AUTS2: variants seen among roughly 807,000 people sequenced by gnomAD.
The protein encoded by AUTS2 is activator of transcription and developmental regulator AUTS2, also known as autism susceptibility gene 2 protein.
AUTS2 carries 17 observed loss-of-function variants against 112.4 expected under a neutral mutation model. The ratio of observed to expected loss-of-function variants is 0.15; its 90% confidence interval spans 0.10 to 0.23. The LOEUF (loss-of-function observed/expected upper bound fraction) is 0.23. AUTS2 is among the 10% of genes least tolerant of loss of function. AUTS2 has a pLI of 1.00. For missense variants in AUTS2, 1,510 were observed against 1,701.6 expected (o/e 0.89, Z 1.98); for synonymous variants, 751 against 702.7 (o/e 1.07, Z -1.09).
chr7:70,348,971 TAAG>T (rs1167450940), intron 4 of AUTS2, among the ~76,000 whole-genome samples: 1 of 152,200 alleles, frequency 6.6e-6, no homozygotes, highest in African/African-American at 2.4e-5. Context: ...ATATTAGTCT[TAAG>T]AACTTTTTTA....
In AUTS2 at chr7:69,648,087, G is replaced by A. The variant is rs142317863; in HGVS notation, c.309+48125G>A. 3.1e-3 allele frequency among the ~76,000 whole-genome samples: 473 copies of A among 152,136 alleles called. 2 individuals are homozygous for A. Among genetic ancestry groups the A allele is most frequent in the Non-Finnish European group, 5.6e-3 (378 of 68,018 alleles). ...ACATACTGAGGGTTAGGGCTTTAAC[G>A]TATATTTCTGAGGGGACACAATTAA... On this transcript the variant is annotated intron_variant, in intron 1 of 18. Coordinates refer to ENST00000342771, the MANE Select transcript of AUTS2 (RefSeq NM_015570.4).
At chr7:70,613,579 C>T (rs1804206102) in intron 5 of AUTS2, among the ~76,000 whole-genome samples, 1 of 152,088 alleles carries the variant, frequency 6.6e-6, no homozygotes, top group Non-Finnish European at 1.5e-5. Flanking sequence ...TGGATGGCCT[C>T]AGTAAGTCCC....
intron 2 of AUTS2, among the ~76,000 whole-genome samples, chr7:69,992,555 G>A (rs970698761): frequency 3.9e-5 from 6 of 152,160 alleles, no homozygotes; most frequent in Non-Finnish European, 7.4e-5. Flanking sequence ...AGAAGGTTTT[G>A]AATGTTTGAA....
At chr7:69,867,319 GC>G (rs1461054370) in intron 1 of AUTS2, among the ~76,000 whole-genome samples, 1 of 152,118 alleles carries the variant, frequency 6.6e-6, no homozygotes, top group Non-Finnish European at 1.5e-5. Flanking sequence ...TTTTTAAATT[GC>G]CTTTTTTGCT....
chr7:70,233,375 A>G (rs1812158541), intron 4 of AUTS2, among the ~76,000 whole-genome samples: 2 of 152,216 alleles, frequency 1.3e-5, no homozygotes, highest in South Asian at 2.1e-4. Context: ...TTGCAATGGT[A>G]TAGGAACTGT....
At chr7:69,816,677 T>C (rs540151062) in intron 1 of AUTS2, among the ~76,000 whole-genome samples, 29 of 152,234 alleles carry the variant, frequency 1.9e-4, no homozygotes, top group Non-Finnish European at 3.8e-4. Flanking sequence ...TCATGTTTGC[T>C]CTTTACATCA....
chr7:70,466,498 A>C (rs569215596), intron 5 of AUTS2, among the ~76,000 whole-genome samples: 2 of 152,346 alleles, frequency 1.3e-5, no homozygotes, highest in East Asian at 3.9e-4. Context: ...GGGATGCGGC[A>C]ACAAACAAAA....
intron 4 of AUTS2, among the ~76,000 whole-genome samples, chr7:70,378,970 T>C (rs1020517596): frequency 6.6e-6 from 1 of 152,182 alleles, no homozygotes; most frequent in African/African-American, 2.4e-5. Flanking sequence ...TGTTAGAACA[T>C]TGTTTCATAT....
At chr7:70,777,230 CG>C in intron 14 of AUTS2, 56 bp downstream of exon 14, 1 of 1,502,150 alleles carries the variant, frequency 6.7e-7, no homozygotes, top group Non-Finnish European at 9.3e-7. Context: ...GAGTGTGTGA[CG>C]TGCTCGGGAG....
At chr7:70,385,301 A>G (rs1793560076) in intron 4 of AUTS2, among the ~76,000 whole-genome samples, 2 of 152,378 alleles carry the variant, frequency 1.3e-5, no homozygotes, top group South Asian at 4.1e-4. Flanking sequence ...ATTCATAAAA[A>G]GAAAAGCCAC....
At chr7:70,222,726 C>T (rs1178062460) in intron 4 of AUTS2, among the ~76,000 whole-genome samples, 1 of 151,504 alleles carries the variant, frequency 6.6e-6, no homozygotes, top group Non-Finnish European at 1.5e-5. Flanking sequence ...TTAGAAGCCC[C>T]CAAAGTGTGA....
intron 4 of AUTS2, among the ~76,000 whole-genome samples, chr7:70,167,052 CCTGT>C (rs1318032611): frequency 2.6e-5 from 4 of 152,046 alleles, no homozygotes; most frequent in Non-Finnish European, 5.9e-5. Context: ...ATGGTGAAAC[CCTGT>C]CTCTGCTGAA....
intron 4 of AUTS2, among the ~76,000 whole-genome samples, chr7:70,404,725 G>A (rs1794462406): frequency 6.6e-6 from 1 of 152,274 alleles, no homozygotes; most frequent in South Asian, 2.1e-4. Context: ...CTTGATAGTT[G>A]TATGTGCCTG....
At chr7:69,883,493 G>A (rs2129538158) in intron 1 of AUTS2, among the ~76,000 whole-genome samples, 1 of 152,240 alleles carries the variant, frequency 6.6e-6, no homozygotes, top group Middle Eastern at 3.4e-3. Context: ...TTCCAACCCA[G>A]CTCTTCTCTC....
chr7:70,699,867 G>T (rs533484596), intron 6 of AUTS2, among the ~76,000 whole-genome samples: 7 of 152,308 alleles, frequency 4.6e-5, no homozygotes, highest in African/African-American at 1.4e-4. Flanking sequence ...GCGTTTCCTT[G>T]TGAGAAAGGA....
intron 5 of AUTS2, among the ~76,000 whole-genome samples, chr7:70,476,755 A>G (rs1797599086): frequency 6.6e-6 from 1 of 152,190 alleles, no homozygotes; most frequent in Non-Finnish European, 1.5e-5. Flanking sequence ...TTTTTCATTG[A>G]TAAAATGAGT....
In AUTS2 at chr7:69,599,858, C is replaced by G. The variant is rs1024257295; in HGVS notation, c.205C>G (p.Arg69Gly). The stretch of plus-strand genomic sequence containing the variant: ...GAAGCCCCCGTCCTCCGCCCCGTCC[C>G]GGCCCAGACCCCCGCGGAGGAAGCG... ...NGKPPSSAPS[R>G]PRPPRRKRRE... Residue 69 changes from arginine (R) to glycine (G), a missense_variant, in exon 1 of 19, where the codon CGG (arginine) becomes GGG (glycine). Transcript: ENST00000342771. This position sits in a 1 kb window ranked among gnomAD's most constrained non-coding sequence, Gnocchi z 7.0. 1 of 1,613,020 alleles carries G rather than the reference C, an allele frequency of 6.2e-7. No individual in the cohort carries two copies. The highest frequency in any genetic ancestry group is 8.5e-7 in the Non-Finnish European group (1 of 1,179,830).
chr7:69,821,346 A>G (rs1361387787), intron 1 of AUTS2, among the ~76,000 whole-genome samples: 1 of 152,162 alleles, frequency 6.6e-6, no homozygotes, highest in Non-Finnish European at 1.5e-5. Flanking sequence ...TTGTAAATGC[A>G]CCAATCAGCA....
At position 70,043,587 on chromosome 7, in the gene AUTS2, TCC is replaced by T. The variant is rs1563060758; in HGVS notation, c.523-74544_523-74543del. Among the ~76,000 whole-genome samples the T allele has an allele frequency of 2.9e-4, 34 of 118,862 alleles. 3 individuals are homozygous for T. Among genetic ancestry groups the T allele is most frequent in the East Asian group, 4.7e-4 (2 of 4,226 alleles). The allele number at this position is 118,862 out of a possible 152,430, so 78.0% of individuals were successfully genotyped here. On this transcript the variant is annotated intron_variant, in intron 2 of 18. Coordinates refer to ENST00000342771, the MANE Select transcript of AUTS2 (RefSeq NM_015570.4). ...TTCCTTCCTTCCTTCCTTCCTTCCTTCCTTCCTTCCTTCCTTCCTTTTTTTTT... is the reference window on the plus strand; with the variant it reads ...TTCCTTCCTTCCTTCCTTCCTTCCTTTTCCTTCCTTCCTTCCTTTTTTTTT...
Sources: gnomAD v4.1 joint callset for allele counts (sites outside exome capture counted in the v4.1 genomes callset) on GRCh38, gnomAD v4.1.1 for gene constraint, Gnocchi (gnomAD v3.1) non-coding constraint, MANE v1.5 for transcripts, NCBI Gene and HGNC (gene_info 2026-07-23, HGNC 2026-07-21) for gene names.